Variants in KALRN observed in about 807,000 individuals in gnomAD.
KALRN encodes the protein kalirin RhoGEF kinase.
In KALRN, 70 loss-of-function variants were observed where a neutral mutation model predicts 353.7. The ratio of observed to expected loss-of-function variants is 0.20; its 90% confidence interval spans 0.16 to 0.24. The LOEUF (loss-of-function observed/expected upper bound fraction) is 0.24. KALRN is among the 10% of genes least tolerant of loss of function. KALRN has a pLI of 1.00. For synonymous variants in KALRN, 1,391 were observed against 1,434.8 expected (o/e 0.97, Z 0.69); for missense variants, 2,791 against 3,756.7 (o/e 0.74, Z 6.72).
Position 124,720,673 on chromosome 3 carries a change from C to T in KALRN, c.*1203C>T, listed in dbSNP as rs2063337207. 1 of 152,484 alleles carries T rather than the reference C, an allele frequency of 6.6e-6. No individual in the cohort carries two copies. Among genetic ancestry groups the T allele is most frequent in the Non-Finnish European group, 1.5e-5 (1 of 68,032 alleles). 9.4% of individuals were successfully genotyped at this position (152,484 alleles called of 1,614,324 possible). On this transcript the variant is annotated 3_prime_UTR_variant, in exon 60 of 60. Transcript: ENST00000682506. Reference sequence around the variant, plus strand: ...ATTGCAATACCTGTCACCATGCAGCCGCTGATAGTTCTCTGAACTAAAAGG... The same window carrying T: ...ATTGCAATACCTGTCACCATGCAGCTGCTGATAGTTCTCTGAACTAAAAGG...
rs2092812371 is a variant in KALRN at position 124,422,198 on chromosome 3, G to A, written c.2543-614G>A. 2.0e-5 allele frequency among the ~76,000 whole-genome samples: 3 copies of A among 152,152 alleles called. No homozygotes were observed. The South Asian group carries it at 6.2e-4, about 32-fold the overall frequency. On this transcript the variant is annotated intron_variant, in intron 14 of 59. Coordinates refer to ENST00000682506, the MANE Select transcript of KALRN (RefSeq NM_001388419.1). ...TGCCTGAGTTTTATAAATAATATAT[G>A]AGAGCTAGCTTATATTTCTAACAGT...
At chr3:124,649,276 G>A (rs1006202050) in intron 37 of KALRN, among the ~76,000 whole-genome samples, 30 of 152,292 alleles carry the variant, frequency 2.0e-4, no homozygotes, top group African/African-American at 7.2e-4. Context: ...TTTAGCCTAT[G>A]TTAAAATAGA....
At chr3:124,657,923 G>A in intron 41 of KALRN, 120 bp downstream of exon 41, 1 of 730,210 alleles carries the variant, frequency 1.4e-6, no homozygotes, top group East Asian at 2.6e-5. Flanking sequence ...GGAGGCCAAG[G>A]TGGGAGGGTG....
At chr3:124,262,447 A>G (rs928675183) in intron 3 of KALRN, among the ~76,000 whole-genome samples, 2 of 152,330 alleles carry the variant, frequency 1.3e-5, no homozygotes, top group Middle Eastern at 3.4e-3. Context: ...TTGGAGAAAA[A>G]GTCACATTGC....
chr3:124,430,772 C>G lies in KALRN; in HGVS notation c.2826C>G (p.Ile942Met). 1.9e-6 allele frequency: 3 copies of G among 1,613,680 alleles called. No homozygotes were observed. Among genetic ancestry groups the G allele is most frequent in the Non-Finnish European group, 2.5e-6 (3 of 1,179,854 alleles). ...AGCACGAGCAGTTCCAACTGGCCAT[C>G]GAGGTAACACCCAAATCTGGCTGCA... ...QREHEQFQLA[I>M]ESLFHATSLQ... Residue 942 changes from isoleucine to methionine, a missense_variant, in exon 16 of 60, where the codon ATC becomes ATG. This residue lies in a region of KALRN where 452 missense variants were observed against 575.8 expected (regional missense o/e 0.78). Transcript: ENST00000682506.
At chr3:124,145,160 C>T (rs1019426582) in intron 1 of KALRN, among the ~76,000 whole-genome samples, 5 of 152,192 alleles carry the variant, frequency 3.3e-5, no homozygotes, top group Non-Finnish European at 7.3e-5. Flanking sequence ...TCTGAGGAGA[C>T]AGGGTTAAGG....
intron 51 of KALRN, among the ~76,000 whole-genome samples, chr3:124,692,897 GGAT>G (rs1478057574): frequency 6.6e-6 from 1 of 152,192 alleles, no homozygotes; most frequent in Non-Finnish European, 1.5e-5. Flanking sequence ...ATCTGGACAT[GGAT>G]GATTAGTGGT....
Position 124,694,520 on chromosome 3 carries a change from A to G in KALRN, c.7577+17A>G. ...CTCCTCTTGGTAAGCCGATTGCCCT[A>G]ACATCAGCAACAGCAGCCCCTTGCT... On this transcript the variant is annotated intron_variant, in intron 53 of 59. Transcript: ENST00000682506. 1.2e-6 allele frequency: 2 copies of G among 1,608,334 alleles called. No homozygotes were observed.
At chr3:124,076,358 T>G in intron 1 of KALRN, among the ~76,000 whole-genome samples, 1 of 152,014 alleles carries the variant, frequency 6.6e-6, no homozygotes, top group East Asian at 1.9e-4. Context: ...TTAAGCTAAT[T>G]GTTAAATTAG....
At chr3:124,406,258 C>G (rs1044232441) in intron 13 of KALRN, among the ~76,000 whole-genome samples, 1 of 152,124 alleles carries the variant, frequency 6.6e-6, no homozygotes, top group Non-Finnish European at 1.5e-5. Context: ...CAGGGAAATG[C>G]TATGATAACT....
At chr3:124,169,535 A>G (rs2071411954) in intron 1 of KALRN, among the ~76,000 whole-genome samples, 1 of 152,098 alleles carries the variant, frequency 6.6e-6, no homozygotes, top group Non-Finnish European at 1.5e-5. Context: ...GTGCAGTGGA[A>G]TCCCGGGGAT....
intron 27 of KALRN, among the ~76,000 whole-genome samples, chr3:124,481,295 C>T (rs531820359): frequency 2.0e-4 from 30 of 152,260 alleles, no homozygotes; most frequent in African/African-American, 7.0e-4. Flanking sequence ...CAGCCTTGAC[C>T]TTCTGGGCTC....
intron 23 of KALRN, among the ~76,000 whole-genome samples, chr3:124,461,157 T>A (rs1476831995): frequency 6.6e-6 from 1 of 152,228 alleles, no homozygotes; most frequent in Non-Finnish European, 1.5e-5. Flanking sequence ...ATTGGAAGAA[T>A]TATCAAAAGA....
At chr3:124,346,481 A>G (rs1431271333) in intron 9 of KALRN, among the ~76,000 whole-genome samples, 1 of 152,186 alleles carries the variant, frequency 6.6e-6, no homozygotes, top group Non-Finnish European at 1.5e-5. Flanking sequence ...CAAGAGACTC[A>G]GATATTAAAG....
chr3:124,224,375 T>TA lies in KALRN; in HGVS notation c.74-3601dup, dbSNP rs60963834. On this transcript the variant is annotated intron_variant, in intron 1 of 59. Transcript: ENST00000682506. The stretch of plus-strand genomic sequence containing the variant: ...CTAATACTAATGACAGCTGAAGAGC[T>TA]AAAAAAAAAAAAAATTGCAAAAAAA... Among the ~76,000 whole-genome samples the TA allele has an allele frequency of 5.6e-3, 782 of 139,516 alleles. 3 individuals carry two copies. The highest frequency in any genetic ancestry group is 9.8e-3 in the South Asian group (43 of 4,366). The allele number at this position is 139,516 out of a possible 152,430, so 91.5% of individuals were successfully genotyped here.
At chr3:124,055,684 C>T (rs2149178938) in intron 1 of KALRN, among the ~76,000 whole-genome samples, 1 of 152,318 alleles carries the variant, frequency 6.6e-6, no homozygotes, top group South Asian at 2.1e-4. Flanking sequence ...AGTGTGTGAT[C>T]ACGATCACAT....
At position 124,318,825 on chromosome 3, in the gene KALRN, G is replaced by C. The variant is rs549016980; in HGVS notation, c.1093-7155G>C. Among the ~76,000 whole-genome samples, 3 of 152,220 alleles carry C rather than the reference G, an allele frequency of 2.0e-5. No homozygotes were observed. In the South Asian group the frequency reaches 6.2e-4, roughly 32 times the overall value. On this transcript the variant is annotated intron_variant, in intron 6 of 59. Transcript: ENST00000682506. ...GTGTAGAGAGGAAATCAAGATGCTG[G>C]GGCTCTAGTCTCATTCTTCCTCTTT...
At chr3:124,159,418 G>T (rs2069542517) in intron 1 of KALRN, among the ~76,000 whole-genome samples, 1 of 152,018 alleles carries the variant, frequency 6.6e-6, no homozygotes. Flanking sequence ...CTATAAGCAT[G>T]TGCCACCACG....
chr3:124,147,060 T>G (rs1398244891), intron 1 of KALRN, among the ~76,000 whole-genome samples: 1 of 152,104 alleles, frequency 6.6e-6, no homozygotes, highest in Non-Finnish European at 1.5e-5. Context: ...CAAAACTATG[T>G]GAGATAATAG....
Sources: gnomAD v4.1 joint callset for allele counts (sites outside exome capture counted in the v4.1 genomes callset) on GRCh38, gnomAD v4.1.1 for gene constraint, gnomAD v4.1.1 regional missense constraint, MANE v1.5 for transcripts, NCBI Gene and HGNC (gene_info 2026-07-23, HGNC 2026-07-21) for gene names.